The following UGT8 variants were observed in gnomAD, a reference collection of about 807,000 sequenced individuals.
The protein encoded by UGT8 is UDP glycosyltransferase 8.
A neutral mutation model predicts 40.5 loss-of-function variants in UGT8; 12 were observed. The observed-to-expected ratio is 0.30, with a 90% confidence interval of 0.19 to 0.48. The LOEUF is 0.48. Among genes scored for constraint, UGT8 ranks in the 20% least tolerant of loss-of-function variants. UGT8 has a pLI of 0.99. For synonymous variants in UGT8, 224 were observed against 240.4 expected, an observed-to-expected ratio of 0.93 and a Z score of 0.63; for missense variants, 513 against 648.7, an observed-to-expected ratio of 0.79 and a Z score of 2.27.
chr4:114,600,838 G>A (rs1341485815), intron 1 of UGT8, among the ~76,000 whole-genome samples: 2 of 152,086 alleles, frequency 1.3e-5, no homozygotes, highest in East Asian at 3.8e-4. Context: ...TTAGGAATGT[G>A]TCTGTGTTCA....
At chr4:114,617,391 T>C (rs1731508801) in intron 1 of UGT8, among the ~76,000 whole-genome samples, 1 of 152,218 alleles carries the variant, frequency 6.6e-6, no homozygotes, top group African/African-American at 2.4e-5. Flanking sequence ...GTTAAATGAC[T>C]TCCCTGTGGT....
intron 1 of UGT8, among the ~76,000 whole-genome samples, chr4:114,615,454 C>T (rs914998873): frequency 6.6e-6 from 1 of 152,076 alleles, no homozygotes; most frequent in African/African-American, 2.4e-5. Context: ...TGGGAAACTT[C>T]CCCCCTCCCC....
At chr4:114,665,557 T>C in intron 3 of UGT8, 123 bp from the exon 4 acceptor site, 1 of 1,278,720 alleles carries the variant, frequency 7.8e-7, no homozygotes, top group Non-Finnish European at 1.0e-6. Context: ...CATGGTTTCA[T>C]TCTTAAGAAT....
intron 2 of UGT8, among the ~76,000 whole-genome samples, chr4:114,652,295 A>G (rs1390360308): frequency 6.6e-6 from 1 of 152,022 alleles, no homozygotes; most frequent in African/African-American, 2.4e-5. Context: ...GGGAATGTAG[A>G]ACCATGTAGT....
chr4:114,605,154 G>T (rs1730664269), intron 1 of UGT8, among the ~76,000 whole-genome samples: 1 of 152,174 alleles, frequency 6.6e-6, no homozygotes, highest in African/African-American at 2.4e-5. Flanking sequence ...GGAGTGCATA[G>T]CCAAAATAAA....
intron 2 of UGT8, among the ~76,000 whole-genome samples, chr4:114,653,760 T>G (rs1039554829): frequency 1.3e-5 from 2 of 152,060 alleles, no homozygotes; most frequent in African/African-American, 4.8e-5. Context: ...TATTATTTAT[T>G]TTTAGGCTCT....
chr4:114,603,926 G>T (rs1730584964), intron 1 of UGT8, among the ~76,000 whole-genome samples: 1 of 152,178 alleles, frequency 6.6e-6, no homozygotes, highest in Non-Finnish European at 1.5e-5. Context: ...GAGAGTGATT[G>T]AAAATATATT....
chr4:114,677,489 G>T lies in UGT8; in HGVS notation c.*1201G>T, dbSNP rs1735728502. Reference sequence around the variant, plus strand: ...AATTGAACCACTTGTTTGTGAAAATGAGTTCCTGTCATCTTCCTCATTCAC... The same window carrying T: ...AATTGAACCACTTGTTTGTGAAAATTAGTTCCTGTCATCTTCCTCATTCAC... On this transcript the variant is annotated 3_prime_UTR_variant, in exon 6 of 6. Coordinates refer to ENST00000310836, the MANE Select transcript of UGT8 (RefSeq NM_001128174.3). 1 of 152,188 alleles carries T rather than the reference G, an allele frequency of 6.6e-6. No homozygotes were observed. The highest frequency in any genetic ancestry group is 1.5e-5 in the Non-Finnish European group (1 of 68,048). The allele number at this position is 152,188 out of a possible 1,614,324, so 9.4% of individuals were successfully genotyped here. A position where few individuals can be genotyped will look rare whatever the true frequency, so the allele number is the denominator to read the frequency against.
Position 114,633,051 on chromosome 4 carries a change from G to A in UGT8, c.822+9349G>A, listed in dbSNP as rs531361011. ...GACTTGACTTTTTTTTCACTACAAA[G>A]TCCTCTTAGAACTTTTTCACATGTA... On this transcript the variant is annotated intron_variant, in intron 2 of 5. Transcript: ENST00000310836. 3.3e-5 allele frequency among the ~76,000 whole-genome samples: 5 copies of A among 152,204 alleles called. No individual in the cohort carries two copies. In the South Asian group the frequency reaches 1.0e-3, roughly 31 times the overall value.
intron 2 of UGT8, among the ~76,000 whole-genome samples, chr4:114,641,056 G>C (rs527802201): frequency 6.6e-6 from 1 of 152,296 alleles, no homozygotes; most frequent in South Asian, 2.1e-4. Flanking sequence ...ACTTTTGCAT[G>C]TGCTGTGTTC....
intron 1 of UGT8, among the ~76,000 whole-genome samples, chr4:114,620,513 T>C (rs1368576995): frequency 6.6e-6 from 1 of 152,232 alleles, no homozygotes; most frequent in Non-Finnish European, 1.5e-5. Flanking sequence ...CTTAATTTTC[T>C]TTCTTCACTG....
intron 2 of UGT8, among the ~76,000 whole-genome samples, chr4:114,653,030 A>G (rs1209958907): frequency 6.6e-6 from 1 of 152,076 alleles, no homozygotes; most frequent in Non-Finnish European, 1.5e-5. Flanking sequence ...CCCAGGATTA[A>G]TGTACCATTG....
rs139812921 is a variant in UGT8 at position 114,640,240 on chromosome 4, C to T, written c.822+16538C>T. Among the ~76,000 whole-genome samples the T allele has an allele frequency of 5.5e-3, 843 of 152,096 alleles. 5 individuals are homozygous for T. The highest frequency in any genetic ancestry group is 0.017 in the Middle Eastern group (5 of 292). On this transcript the variant is annotated intron_variant, in intron 2 of 5. Transcript: ENST00000310836. ...AGAGACGGGGTTTCACCGTGTTAGC[C>T]AGGATGGTCTCGATCTCCTGACCTT...
At chr4:114,643,808 C>T (rs971996807) in intron 2 of UGT8, among the ~76,000 whole-genome samples, 1 of 151,896 alleles carries the variant, frequency 6.6e-6, no homozygotes, top group African/African-American at 2.4e-5. Flanking sequence ...CCCTTAAAAG[C>T]CACAACACAT....
intron 2 of UGT8, among the ~76,000 whole-genome samples, chr4:114,646,302 G>GA (rs1733565745): frequency 6.6e-6 from 1 of 151,658 alleles, no homozygotes; most frequent in Admixed American, 6.6e-5. Context: ...AATTCAATGT[G>GA]AAAAAAGCTG....
intron 2 of UGT8, among the ~76,000 whole-genome samples, chr4:114,628,120 G>A (rs1732352028): frequency 6.6e-6 from 1 of 151,882 alleles, no homozygotes; most frequent in Admixed American, 6.6e-5. Context: ...AAAAATCCAT[G>A]CTAAGTTGTT....
In UGT8 at chr4:114,623,520, A is replaced by G; in HGVS notation, c.640A>G (p.Lys214Glu). The G allele has an allele frequency of 6.2e-7, 1 of 1,614,100 alleles. No homozygotes were observed. Among genetic ancestry groups the G allele is most frequent in the Middle Eastern group, 1.7e-4 (1 of 6,060 alleles). Residue 214 changes from lysine (K) to glutamate (E), a missense_variant, in exon 2 of 6, where the codon AAA becomes GAA. Physicochemically the swap from Lys to Glu is moderately conservative, Grantham distance 56 (BLOSUM62 1). Coordinates refer to ENST00000310836, the MANE Select transcript of UGT8 (RefSeq NM_001128174.3). ...AGGGGTCAGCTTTCTGGTTCTTCCC[A>G]AATATGAAAGGATAATGCAGAAGTA... ...RLGVSFLVLP[K>E]YERIMQKYNL...
At chr4:114,609,705 T>C (rs903922223) in intron 1 of UGT8, among the ~76,000 whole-genome samples, 2 of 152,284 alleles carry the variant, frequency 1.3e-5, no homozygotes, top group South Asian at 4.1e-4. Flanking sequence ...CTATATGGGC[T>C]TTAAATGCTT....
chr4:114,607,767 T>G (rs1260977732), intron 1 of UGT8, among the ~76,000 whole-genome samples: 2 of 152,192 alleles, frequency 1.3e-5, no homozygotes, highest in Non-Finnish European at 2.9e-5. Context: ...TATTCCTAAT[T>G]GATCACTATG....
Sources: allele counts gnomAD v4.1 joint callset (sites outside exome capture counted in the v4.1 genomes callset), GRCh38; gene constraint gnomAD v4.1.1; transcripts MANE v1.5; gene names NCBI Gene and HGNC (gene_info 2026-07-23, HGNC 2026-07-21).